ZDHHC15: variants seen among roughly 807,000 people sequenced by gnomAD.
ZDHHC15 encodes zDHHC palmitoyltransferase 15, also known as palmitoyltransferase ZDHHC15.
Under a neutral mutation model 31.7 loss-of-function variants are expected in ZDHHC15, and 19 were observed. The ratio of observed to expected loss-of-function variants is 0.60; its 90% CI spans 0.42 to 0.88. The LOEUF (loss-of-function observed/expected upper bound fraction) is 0.88, where lower values mean the gene tolerates loss of function less well. Among genes scored for constraint, ZDHHC15 ranks in the 40% least tolerant of loss-of-function variants. ZDHHC15 has a pLI of 0.00. For synonymous variants in ZDHHC15, 103 were observed against 90.0 expected (o/e 1.14, Z -0.82); for missense variants, 209 against 251.2 (o/e 0.83, Z 1.14).
At position 75,462,667 on chromosome X, in the gene ZDHHC15, A is replaced by G. The variant is rs374552652; in HGVS notation, c.259-11745T>C. ...AAATTGGATAACCTGCTCTTGAATG[A>G]CTCTTGGGCAAATAATGACATTAAG... On this transcript the variant is annotated intron_variant, in intron 3 of 11. Transcript: ENST00000373367. 8.9e-5 allele frequency among the ~76,000 whole-genome samples: 10 copies of G among 112,008 alleles called. No individual in the cohort carries two copies. The East Asian group carries it at 2.8e-3, about 31-fold the overall frequency.
chrX:75,409,567 C>T (rs1188273423), intron 10 of ZDHHC15, among the ~76,000 whole-genome samples: 4 of 101,500 alleles, frequency 3.9e-5, no homozygotes, highest in Non-Finnish European at 7.9e-5. Context: ...GAGGCTGAGG[C>T]GGGCGGATCA....
chrX:75,511,762 A>G (rs1486261721), intron 1 of ZDHHC15, among the ~76,000 whole-genome samples: 1 of 80,836 alleles, frequency 1.2e-5, no homozygotes, highest in African/African-American at 4.7e-5. Context: ...ATAGAAAAAG[A>G]GGGAATCCTC....
chrX:75,422,929 A>G, intron 8 of ZDHHC15, among the ~76,000 whole-genome samples: 1 of 102,983 alleles, frequency 9.7e-6, no homozygotes, highest in Non-Finnish European at 2.0e-5. Context: ...AGCATTAGGT[A>G]TATCTCCCAA....
At chrX:75,391,715 G>C (rs982719224) in intron 10 of ZDHHC15, among the ~76,000 whole-genome samples, 2 of 112,166 alleles carry the variant, frequency 1.8e-5, no homozygotes, top group Non-Finnish European at 3.8e-5. Context: ...AATGCTAAAA[G>C]GAGTTCTTTG....
At chrX:75,378,597 T>A (rs904151265) in intron 11 of ZDHHC15, among the ~76,000 whole-genome samples, 10 of 111,678 alleles carry the variant, frequency 9.0e-5, no homozygotes, top group Admixed American at 2.9e-4. Context: ...AAAAAGAAGG[T>A]CGTCGAGCTT....
chrX:75,516,194 G>A (rs370987966), intron 1 of ZDHHC15, among the ~76,000 whole-genome samples: 5 of 110,018 alleles, frequency 4.5e-5, no homozygotes, highest in Admixed American at 9.6e-5. Flanking sequence ...CATCCCCATC[G>A]AGCTACCAAT....
rs374198997 is a variant in ZDHHC15, at chrX:75,416,951, T to C, written c.967+136A>G. 1.6e-4 allele frequency: 67 copies of C among 431,350 alleles called. 1 individual carries two copies. Among genetic ancestry groups the C allele is most frequent in the African/African-American group, 1.1e-3 (44 of 40,628 alleles). The allele number at this position is 431,350 out of a possible 1,213,427, so 35.5% of individuals were successfully genotyped here. ...ACTACCCATGGTTACTAAACAAATA[T>C]GGCCATACTTGCTCTCCACCATCCA... On this transcript the variant is annotated intron_variant, in intron 10 of 11. Coordinates refer to ENST00000373367, the MANE Select transcript of ZDHHC15 (RefSeq NM_144969.3).
intron 3 of ZDHHC15, among the ~76,000 whole-genome samples, chrX:75,457,916 T>C (rs1319011727): frequency 9.0e-6 from 1 of 111,603 alleles, no homozygotes; most frequent in Admixed American, 9.6e-5. Context: ...TACCATGCCA[T>C]TTCATGTAAG....
intron 9 of ZDHHC15, among the ~76,000 whole-genome samples, chrX:75,417,658 G>C (rs1388788296): frequency 2.7e-5 from 3 of 111,858 alleles, no homozygotes; most frequent in Non-Finnish European, 5.6e-5. Context: ...TGGCAGAAAG[G>C]TTATTAGGAA....
chrX:75,477,169 T>C, intron 3 of ZDHHC15, among the ~76,000 whole-genome samples: 1 of 112,034 alleles, frequency 8.9e-6, no homozygotes, highest in South Asian at 3.7e-4. Flanking sequence ...CACATATTTA[T>C]GAAACTGTAG....
intron 10 of ZDHHC15, among the ~76,000 whole-genome samples, chrX:75,405,610 T>C (rs1252875997): frequency 1.8e-5 from 2 of 111,563 alleles, no homozygotes; most frequent in Non-Finnish European, 3.8e-5. Context: ...TTCAACAAGA[T>C]GATATAACAA....
At chrX:75,476,243 T>C (rs936216699) in intron 3 of ZDHHC15, among the ~76,000 whole-genome samples, 16 of 109,987 alleles carry the variant, frequency 1.5e-4, no homozygotes, top group Non-Finnish European at 3.0e-4. Flanking sequence ...CCAGAGGAAA[T>C]GTTTCTTATT....
At chrX:75,486,404 T>C (rs777793398) in intron 2 of ZDHHC15, among the ~76,000 whole-genome samples, 1 of 112,440 alleles carries the variant, frequency 8.9e-6, no homozygotes, top group East Asian at 2.8e-4. Flanking sequence ...AAAAAGCTTC[T>C]AGCTGAACTC....
chrX:75,498,539 A>G (rs1489329236), intron 2 of ZDHHC15, among the ~76,000 whole-genome samples: 5 of 111,494 alleles, frequency 4.5e-5, no homozygotes, highest in Non-Finnish European at 9.4e-5. Context: ...CCCTTTTACA[A>G]TAACTGAATA....
intron 8 of ZDHHC15, among the ~76,000 whole-genome samples, chrX:75,422,833 T>A (rs2083662952): frequency 9.1e-6 from 1 of 109,589 alleles, no homozygotes; most frequent in Non-Finnish European, 1.9e-5. Context: ...ACTTTAAGTT[T>A]TAGGGTACAT....
chrX:75,409,662 G>T (rs2083462047), intron 10 of ZDHHC15, among the ~76,000 whole-genome samples: 1 of 106,221 alleles, frequency 9.4e-6, no homozygotes, highest in Non-Finnish European at 1.9e-5. Context: ...GGGCGTGGTG[G>T]CAGGCACCTG....
At chrX:75,378,724 G>A (rs922510049) in intron 11 of ZDHHC15, among the ~76,000 whole-genome samples, 2 of 111,460 alleles carry the variant, frequency 1.8e-5, no homozygotes, top group Admixed American at 1.9e-4. Context: ...TAGTGGGGAA[G>A]ACTAGGTTAT....
chrX:75,474,444 TATATACAC>T lies in ZDHHC15; in HGVS notation c.258+4439_258+4446del, dbSNP rs758519638. 4.5e-4 allele frequency among the ~76,000 whole-genome samples: 19 copies of T among 42,639 alleles called. No individual in the cohort carries two copies. In the East Asian group the frequency reaches 0.03, roughly 67 times the overall value. 37.0% of individuals were successfully genotyped at this position (42,639 alleles called of 115,157 possible). On this transcript the variant is annotated intron_variant, in intron 3 of 11. Coordinates refer to ENST00000373367, the MANE Select transcript of ZDHHC15 (RefSeq NM_144969.3). The stretch of plus-strand genomic sequence containing the variant: ...TAATAAACTCCCCTTTATATATATA[TATATACAC>T]ACACACACACACACACACACATATA...
chrX:75,490,876 T>C (rs896260775), intron 2 of ZDHHC15, among the ~76,000 whole-genome samples: 5 of 111,898 alleles, frequency 4.5e-5, no homozygotes, highest in South Asian at 7.5e-4. Flanking sequence ...TATGAAAAAA[T>C]GCTCACCATC....
Sources: gnomAD v4.1 joint callset for allele counts (sites outside exome capture counted in the v4.1 genomes callset) on GRCh38, gnomAD v4.1.1 for gene constraint, MANE v1.5 for transcripts, NCBI Gene and HGNC (gene_info 2026-07-23, HGNC 2026-07-21) for gene names.